Variants in CELF1 observed in about 807,000 individuals in gnomAD.
CELF1 encodes 50 kDa nuclear polyadenylated RNA-binding protein.
Under a neutral mutation model 61.8 loss-of-function variants are expected in CELF1, and 10 were observed. The ratio of observed to expected loss-of-function variants is 0.16; its 90% CI spans 0.10 to 0.27. The LOEUF is 0.27. Ranked by LOEUF, CELF1 falls within the 10% of genes least tolerant of loss-of-function variation. The probability of loss-of-function intolerance (pLI) is 1.00; values close to 1 mark genes in which losing one functional copy is unlikely to be tolerated. For missense variants in CELF1, 380 were observed against 639.1 expected (o/e 0.59, Z 4.37); for synonymous variants, 236 against 225.1 (o/e 1.05, Z -0.43).
At chr11:47,516,619 G>A (rs1188965663) in intron 1 of CELF1, among the ~76,000 whole-genome samples, 1 of 131,554 alleles carries the variant, frequency 7.6e-6, no homozygotes, top group African/African-American at 2.8e-5. Context: ...TTTTTTGTTT[G>A]AGACAGAGTC....
At chr11:47,493,433 GGGAGGCGGAGAC>G (rs1237393770) in intron 3 of CELF1, among the ~76,000 whole-genome samples, 1 of 150,274 alleles carries the variant, frequency 6.7e-6, no homozygotes, top group African/African-American at 2.5e-5. Context: ...ACTTGAACCC[GGGAGGCGGAGAC>G]TACAGTGAGC....
At chr11:47,516,643 T>C (rs2095570593) in intron 1 of CELF1, among the ~76,000 whole-genome samples, 1 of 151,704 alleles carries the variant, frequency 6.6e-6, no homozygotes, top group African/African-American at 2.4e-5. Flanking sequence ...CTCTGTCGCC[T>C]AGGCTGGAGT....
intron 1 of CELF1, among the ~76,000 whole-genome samples, chr11:47,549,625 T>C (rs187098831): frequency 8.1e-4 from 123 of 152,192 alleles, no homozygotes; most frequent in Middle Eastern, 3.4e-3. Flanking sequence ...AGTAGTCAAA[T>C]TGGTAGAAAC....
chr11:47,553,114 T>C lies in CELF1; in HGVS notation c.-276A>G, dbSNP rs893678470. 7.5e-6 allele frequency: 3 copies of C among 398,190 alleles called. No individual in the cohort carries two copies. The highest frequency in any genetic ancestry group is 1.3e-5 in the Non-Finnish European group (3 of 225,910). 24.7% of individuals were successfully genotyped at this position (398,190 alleles called of 1,614,324 possible). A position where few individuals can be genotyped will look rare whatever the true frequency, so the allele number is the denominator to read the frequency against. On this transcript the variant is annotated 5_prime_UTR_variant, in exon 1 of 15. Transcript: ENST00000687097. ...CTCCGCGTCCCGCCGCCGCTGCCGC[T>C]GCCGCCAGAGCAGAACACCCCAAAA...
At chr11:47,534,022 C>CTTTTTTT (rs71042679) in intron 1 of CELF1, among the ~76,000 whole-genome samples, 27 of 87,574 alleles carry the variant, frequency 3.1e-4, no homozygotes, top group Non-Finnish European at 4.7e-4. Context: ...TTTTTCTTTC[C>CTTTTTTT]TTTTTTTTTT....
intron 1 of CELF1, among the ~76,000 whole-genome samples, chr11:47,527,195 A>G (rs1327317072): frequency 6.6e-6 from 1 of 152,080 alleles, no homozygotes; most frequent in Non-Finnish European, 1.5e-5. Context: ...AAAGCCTCTT[A>G]ACACTAAACA....
At position 47,503,427 on chromosome 11, in the gene CELF1, T is replaced by A. The variant is rs141428920; in HGVS notation, c.-153-2495A>T. Among the ~76,000 whole-genome samples the A allele has an allele frequency of 5.9e-5, 9 of 152,258 alleles. No individual in the cohort carries two copies. In the East Asian group the frequency reaches 1.5e-3, roughly 26 times the overall value. On this transcript the variant is annotated intron_variant, in intron 1 of 14. Coordinates refer to ENST00000687097, the MANE Select transcript of CELF1 (RefSeq NM_001376376.1). Reference sequence around the variant, plus strand: ...ACACTTCCACCCCAATAAATCTAAGTATGTTTGAAAGGGCAATAAAGTAAA... The same window carrying A: ...ACACTTCCACCCCAATAAATCTAAGAATGTTTGAAAGGGCAATAAAGTAAA...
chr11:47,545,025 G>A (rs1181860032), intron 1 of CELF1, among the ~76,000 whole-genome samples: 1 of 152,112 alleles, frequency 6.6e-6, no homozygotes, highest in Non-Finnish European at 1.5e-5. Context: ...GCTCATGCCT[G>A]TAATCACAAC....
intron 4 of CELF1, among the ~76,000 whole-genome samples, chr11:47,488,214 G>C (rs1259632474): frequency 6.6e-6 from 1 of 152,132 alleles, no homozygotes; most frequent in Admixed American, 6.5e-5. Flanking sequence ...TGTATATACG[G>C]GGCAAAGTTA....
intron 1 of CELF1, among the ~76,000 whole-genome samples, chr11:47,538,893 T>C (rs2096704817): frequency 6.6e-6 from 1 of 152,142 alleles, no homozygotes; most frequent in African/African-American, 2.4e-5. Flanking sequence ...TCACAGATCA[T>C]TCATGAAGTT....
upstream of CELF1, among the ~76,000 whole-genome samples, chr11:47,556,289 A>T (rs2097205657): frequency 6.6e-6 from 1 of 152,148 alleles, no homozygotes; most frequent in Non-Finnish European, 1.5e-5. Context: ...GGTTCATGAG[A>T]TCCTTCCACC....
rs1598354798 is a variant in CELF1 at position 47,540,289 on chromosome 11, G to T, written c.-154+12703C>A. ...ACAAATACTGAATCATGAGCATGGA[G>T]GGGCTGAAGAGCATTCCTAAACACG... On this transcript the variant is annotated intron_variant, in intron 1 of 14. Coordinates refer to ENST00000687097, the MANE Select transcript of CELF1 (RefSeq NM_001376376.1). Among the ~76,000 whole-genome samples the T allele has an allele frequency of 3.3e-5, 5 of 152,308 alleles. No homozygotes were observed. In the South Asian group the frequency reaches 1.0e-3, roughly 32 times the overall value.
At chr11:47,475,556 A>C (rs765564934) in intron 12 of CELF1, 35 bp from the exon 13 acceptor site, 3 of 1,605,660 alleles carry the variant, frequency 1.9e-6, no homozygotes. Flanking sequence ...AATATACTAG[A>C]AAGACTAAAC....
intron 1 of CELF1, among the ~76,000 whole-genome samples, chr11:47,534,836 A>C (rs1231598808): frequency 6.6e-6 from 1 of 152,222 alleles, no homozygotes; most frequent in Non-Finnish European, 1.5e-5. Context: ...AATTACGTTT[A>C]GGGAGATGAA....
chr11:47,556,187 T>A (rs1434519526), upstream of CELF1, among the ~76,000 whole-genome samples: 2 of 152,144 alleles, frequency 1.3e-5, no homozygotes, highest in East Asian at 1.9e-4. Flanking sequence ...TTTATTTTTT[T>A]AATTTTACTT....
rs2076884873 is a variant in CELF1, at chr11:47,467,589, C to CTA, written c.*4640_*4641insTA. 6.6e-6 allele frequency: 1 copy of CTA among 152,396 alleles called. No homozygotes were observed. The highest frequency in any genetic ancestry group is 2.4e-5 in the African/African-American group (1 of 41,434). 9.4% of individuals were successfully genotyped at this position (152,396 alleles called of 1,614,324 possible). On this transcript the variant is annotated 3_prime_UTR_variant, in exon 15 of 15. Transcript: ENST00000687097. Reference sequence around the variant, plus strand: ...TTGCCGCTTGGTGTGCAGATGGCCTCCTACGGGTGATTGGGAGCGCCCTCC... The same window carrying CTA: ...TTGCCGCTTGGTGTGCAGATGGCCTCTACTACGGGTGATTGGGAGCGCCCTCC...
rs1491312774 is a variant in CELF1 at position 47,545,916 on chromosome 11, T to TATATATA, written c.-154+7075_-154+7076insTATATAT. ...GTGTGTGTGTGTGTGTATATATATATTTTTTTTTTTTTGAGATGGAGTCTC... is the reference window on the plus strand; with the variant it reads ...GTGTGTGTGTGTGTGTATATATATATATATATATTTTTTTTTTTTGAGATGGAGTCTC... On this transcript the variant is annotated intron_variant, in intron 1 of 14. Coordinates refer to ENST00000687097, the MANE Select transcript of CELF1 (RefSeq NM_001376376.1). Among the ~76,000 whole-genome samples the TATATATA allele has an allele frequency of 1.2e-4, 9 of 74,136 alleles. No homozygotes were observed. The Admixed American group carries it at 1.2e-3, about 10-fold the overall frequency. 48.6% of individuals were successfully genotyped at this position (74,136 alleles called of 152,430 possible).
chr11:47,534,589 G>A (rs1478638987), intron 1 of CELF1, among the ~76,000 whole-genome samples: 2 of 151,838 alleles, frequency 1.3e-5, no homozygotes, highest in African/African-American at 2.4e-5. Context: ...TTAGCCGGGC[G>A]TGGTGGTGGG....
chr11:47,521,991 A>G (rs1317464287), intron 1 of CELF1, among the ~76,000 whole-genome samples: 2 of 151,574 alleles, frequency 1.3e-5, no homozygotes, highest in Non-Finnish European at 2.9e-5. Context: ...GCTCATCACA[A>G]CCTCCATCTC....
Sources: allele counts gnomAD v4.1 joint callset (sites outside exome capture counted in the v4.1 genomes callset), GRCh38; gene constraint gnomAD v4.1.1; transcripts MANE v1.5; gene names NCBI Gene and HGNC (gene_info 2026-07-23, HGNC 2026-07-21).